The following CEP126 variants were observed in gnomAD, a reference collection of about 807,000 sequenced individuals.
The protein encoded by CEP126 is centrosomal protein of 126 kDa.
CEP126 carries 74 observed loss-of-function variants against 107.8 expected under a neutral mutation model. The observed-to-expected ratio is 0.69, with a 90% CI of 0.57 to 0.83. The LOEUF is 0.83. CEP126 is among the 40% of genes least tolerant of loss of function. The probability of loss-of-function intolerance (pLI) is 0.00; values close to 1 mark genes in which losing one functional copy is unlikely to be tolerated. For missense variants in CEP126, 1,237 were observed against 1,281.9 expected (o/e 0.96, Z 0.53); for synonymous variants, 449 against 446.0 (o/e 1.01, Z -0.08).
chr11:101,962,549 T>G lies in CEP126; in HGVS notation c.1514T>G (p.Ile505Arg), dbSNP rs774910440. ...DELKDGKEEE[I>R]KYFNCNKEEL... ...TTGAAAGATGGTAAAGAAGAAGAGA[T>G]AAAATATTTTAATTGCAATAAGGAA... Residue 505 changes from isoleucine (I) to arginine (R), a missense_variant, in exon 6 of 11, where the codon ATA (isoleucine) becomes AGA (arginine). This residue lies in a region of CEP126 where 1,134 missense variants were observed against 1,150.5 expected (regional missense o/e 0.99). Coordinates refer to ENST00000263468, the MANE Select transcript of CEP126 (RefSeq NM_020802.4). 1.2e-5 allele frequency: 20 copies of G among 1,613,020 alleles called. No individual in the cohort carries two copies. The East Asian group carries it at 1.6e-4, about 13-fold the overall frequency.
At chr11:101,960,078 C>G (rs1000663935) in intron 5 of CEP126, among the ~76,000 whole-genome samples, 2 of 152,088 alleles carry the variant, frequency 1.3e-5, no homozygotes, top group Non-Finnish European at 2.9e-5. Context: ...TGTATGCACA[C>G]ACACATACCA....
intron 7 of CEP126, among the ~76,000 whole-genome samples, 170 bp downstream of exon 7, chr11:101,978,629 T>C (rs1591291936): frequency 6.6e-6 from 1 of 152,204 alleles, no homozygotes; most frequent in East Asian, 1.9e-4. Context: ...AGGAGATTAT[T>C]CCACTATACC....
At chr11:101,949,808 GACACAA>G (rs1444601333) in intron 4 of CEP126, among the ~76,000 whole-genome samples, 6 of 152,124 alleles carry the variant, frequency 3.9e-5, no homozygotes, top group Non-Finnish European at 7.4e-5. Flanking sequence ...CCCCAGAACT[GACACAA>G]AGTCAGTATT....
chr11:101,962,036 C>A lies in CEP126; in HGVS notation c.1001C>A (p.Ser334Tyr), dbSNP rs1299620739. The A allele has an allele frequency of 2.5e-6, 4 of 1,613,328 alleles. No homozygotes were observed. Among genetic ancestry groups the A allele is most frequent in the Admixed American group, 3.3e-5 (2 of 59,972 alleles). Residue 334 changes from serine (S) to tyrosine (Y), a missense_variant, in exon 6 of 11, where the codon TCT (serine) becomes TAT (tyrosine). Transcript: ENST00000263468. The stretch of plus-strand genomic sequence containing the variant: ...GCTTTCTCAGATATTTTAAGTAAAT[C>A]TAATGTTCTGCCTTCATGGGAATAT... ...VTAFSDILSKSNVLPSWEYFN... is the reference protein window; with the variant it reads ...VTAFSDILSKYNVLPSWEYFN...
intron 2 of CEP126, among the ~76,000 whole-genome samples, chr11:101,931,187 C>T (rs999399344): frequency 6.6e-6 from 1 of 152,118 alleles, no homozygotes; most frequent in African/African-American, 2.4e-5. Context: ...ACACCTCAAC[C>T]TTTAGAGAAA....
chr11:101,923,048 C>CT (rs949839469), intron 2 of CEP126, among the ~76,000 whole-genome samples: 2 of 152,124 alleles, frequency 1.3e-5, no homozygotes, highest in East Asian at 3.9e-4. Context: ...GTATTATCTT[C>CT]TTTTTTTGTA....
At chr11:101,972,165 C>T (rs1342933917) in intron 6 of CEP126, among the ~76,000 whole-genome samples, 3 of 152,010 alleles carry the variant, frequency 2.0e-5, no homozygotes, top group Admixed American at 6.5e-5. Flanking sequence ...TGGTGGGTCA[C>T]GCCTGTAATC....
chr11:101,955,963 T>C, intron 4 of CEP126: 1 of 456,488 alleles, frequency 2.2e-6, no homozygotes, highest in Non-Finnish European at 4.4e-6. Context: ...CTGTACCCTC[T>C]ACTCTTCCAA....
chr11:101,983,498 T>C (rs1941280560), intron 8 of CEP126, among the ~76,000 whole-genome samples: 1 of 152,182 alleles, frequency 6.6e-6, no homozygotes, highest in South Asian at 2.1e-4. Context: ...CAAAGATCTA[T>C]CATGATGAAC....
At chr11:101,935,560 C>G (rs1217736240) in intron 2 of CEP126, among the ~76,000 whole-genome samples, 4 of 152,010 alleles carry the variant, frequency 2.6e-5, no homozygotes, top group Non-Finnish European at 4.4e-5. Context: ...TTTAGTTGCT[C>G]CAGCACCATT....
chr11:101,922,898 T>C, intron 2 of CEP126, 138 bp downstream of exon 2: 1 of 697,478 alleles, frequency 1.4e-6, no homozygotes, highest in Non-Finnish European at 2.3e-6. Context: ...TTGTGTGGCT[T>C]TGTAAATTTT....
Position 101,963,704 on chromosome 11 carries a change from A to G in CEP126, c.2669A>G (p.Asn890Ser), listed in dbSNP as rs1941019977. Residue 890 changes from asparagine (N) to serine (S), a missense_variant, in exon 6 of 11, where the codon AAT becomes AGT. Physicochemically the swap from Asn to Ser is conservative, Grantham distance 46 (BLOSUM62 1). Coordinates refer to ENST00000263468, the MANE Select transcript of CEP126 (RefSeq NM_020802.4). ...GAGTGCCAAACTTTCGCAAAAATAAATCATTCAAATGGCACTCAAGCAGTT... is the reference window on the plus strand; with the variant it reads ...GAGTGCCAAACTTTCGCAAAAATAAGTCATTCAAATGGCACTCAAGCAGTT... ...SSECQTFAKINHSNGTQAVAR... is the reference protein window; with the variant it reads ...SSECQTFAKISHSNGTQAVAR... 1 of 1,613,992 alleles carries G rather than the reference A, an allele frequency of 6.2e-7. No individual in the cohort carries two copies. Among genetic ancestry groups the G allele is most frequent in the African/African-American group, 1.3e-5 (1 of 74,902 alleles).
At chr11:101,943,132 A>G (rs1210747053) in intron 2 of CEP126, among the ~76,000 whole-genome samples, 1 of 149,898 alleles carries the variant, frequency 6.7e-6, no homozygotes, top group Non-Finnish European at 1.5e-5. Flanking sequence ...TTCTAATATT[A>G]TGTTGAATCA....
chr11:101,928,386 T>A (rs964557503), intron 2 of CEP126, among the ~76,000 whole-genome samples: 1 of 152,142 alleles, frequency 6.6e-6, no homozygotes, highest in Admixed American at 6.5e-5. Flanking sequence ...AGCTTATTGG[T>A]TTTTCTTTTT....
Position 102,000,499 on chromosome 11 carries a change from A to G in CEP126, c.*2856A>G, listed in dbSNP as rs995290557. The G allele has an allele frequency of 2.0e-5, 3 of 152,212 alleles. No individual in the cohort carries two copies. Among genetic ancestry groups the G allele is most frequent in the Non-Finnish European group, 4.4e-5 (3 of 68,080 alleles). 9.4% of individuals were successfully genotyped at this position (152,212 alleles called of 1,614,324 possible). A position where few individuals can be genotyped will look rare whatever the true frequency, so the allele number is the denominator to read the frequency against. ...GGAATTCAAGACCAGCCTGGGTAAT[A>G]TGGCAAGAGCCCAACTCTACTAAAA... On this transcript the variant is annotated 3_prime_UTR_variant, in exon 11 of 11. Coordinates refer to ENST00000263468, the MANE Select transcript of CEP126 (RefSeq NM_020802.4).
At chr11:101,994,624 G>T in intron 10 of CEP126, among the ~76,000 whole-genome samples, 1 of 152,152 alleles carries the variant, frequency 6.6e-6, no homozygotes, top group East Asian at 1.9e-4. Flanking sequence ...ATTGAATGGG[G>T]AATCCGTTCC....
intron 5 of CEP126, among the ~76,000 whole-genome samples, chr11:101,958,945 A>C (rs888773327): frequency 6.6e-6 from 1 of 152,160 alleles, no homozygotes; most frequent in African/African-American, 2.4e-5. Flanking sequence ...AAACAACTAT[A>C]ATTATGAACA....
chr11:101,949,026 C>G (rs1940776250), intron 4 of CEP126, among the ~76,000 whole-genome samples: 1 of 152,082 alleles, frequency 6.6e-6, no homozygotes, highest in Non-Finnish European at 1.5e-5. Flanking sequence ...CAGGAAAGAC[C>G]TCATGGGACA....
intron 7 of CEP126, among the ~76,000 whole-genome samples, chr11:101,979,844 A>T (rs1280550105): frequency 6.6e-6 from 1 of 152,228 alleles, no homozygotes; most frequent in Non-Finnish European, 1.5e-5. Context: ...GTCTAACTTG[A>T]TCCAAGGATT....
Sources: gnomAD v4.1 joint callset for allele counts (sites outside exome capture counted in the v4.1 genomes callset) on GRCh38, gnomAD v4.1.1 for gene constraint, gnomAD v4.1.1 regional missense constraint, MANE v1.5 for transcripts, NCBI Gene and HGNC (gene_info 2026-07-23, HGNC 2026-07-21) for gene names.